The following ATXN10 variants were observed in gnomAD, a reference collection of about 807,000 sequenced individuals.
ATXN10 encodes the protein ataxin 10, also known as ataxin-10.
In ATXN10, 28 loss-of-function variants were observed where a neutral mutation model predicts 52.9. The ratio of observed to expected loss-of-function variants is 0.53; its 90% CI spans 0.39 to 0.73. ATXN10 has a LOEUF of 0.73. Among genes scored for constraint, ATXN10 ranks in the 30% least tolerant of loss-of-function variants. ATXN10 has a pLI of 0.00. For synonymous variants in ATXN10, 226 were observed against 221.5 expected, an observed-to-expected ratio of 1.02 and a Z score of -0.18; for missense variants, 565 against 577.0, an observed-to-expected ratio of 0.98 and a Z score of 0.21.
rs1264847490 is a variant in ATXN10, at chr22:45,766,917, A to C, written c.1173+26379A>C. On this transcript the variant is annotated intron_variant, in intron 9 of 11. Transcript: ENST00000252934. This position sits in a 1 kb window ranked among gnomAD's most constrained non-coding sequence, Gnocchi z 4.6. ...ACAGTGCTCAACTTTGCTCATAAAA[A>C]GAAAAATGCACATTAAACTACTCAC... 6.6e-6 allele frequency among the ~76,000 whole-genome samples: 1 copy of C among 152,240 alleles called. No homozygotes were observed. Among genetic ancestry groups the C allele is most frequent in the African/African-American group, 2.4e-5 (1 of 41,466 alleles).
chr22:45,690,407 A>G lies in ATXN10; in HGVS notation c.308+504A>G, dbSNP rs1185869094. On this transcript the variant is annotated intron_variant, in intron 2 of 11. Transcript: ENST00000252934. The surrounding 1 kb of genome is among the most constrained non-coding windows in gnomAD (Gnocchi z 4.5). ...ATTGGAGTCTCTCTGACTAGTGTAT[A>G]AAATAATGGAGTGTGTTTAACATTA... is the stretch of plus-strand genomic sequence containing the variant. Among the ~76,000 whole-genome samples, 1 of 152,162 alleles carries G rather than the reference A, an allele frequency of 6.6e-6. No individual in the cohort carries two copies. Among genetic ancestry groups the G allele is most frequent in the African/African-American group, 2.4e-5 (1 of 41,428 alleles).
Position 45,828,212 on chromosome 22 carries a change from A to G in ATXN10, c.1238-14779A>G, listed in dbSNP as rs555380776. Among the ~76,000 whole-genome samples, 2 of 152,044 alleles carry G rather than the reference A, an allele frequency of 1.3e-5. No homozygotes were observed. Among genetic ancestry groups the G allele is most frequent in the African/African-American group, 4.8e-5 (2 of 41,530 alleles). On this transcript the variant is annotated intron_variant, in intron 10 of 11. Coordinates refer to ENST00000252934, the MANE Select transcript of ATXN10 (RefSeq NM_013236.4). This position sits in a 1 kb window ranked among gnomAD's most constrained non-coding sequence, Gnocchi z 4.5. ...TTAAAAACTTTAAAAAAGAAAAAAA[A>G]AAGAAGAAAAAAATATTTAGAGACA...
intron 9 of ATXN10, among the ~76,000 whole-genome samples, chr22:45,776,130 G>A (rs779437343): frequency 6.6e-6 from 1 of 152,132 alleles, no homozygotes; most frequent in Non-Finnish European, 1.5e-5. Flanking sequence ...GTAAGCCTAC[G>A]GTTAACCAGA....
intron 10 of ATXN10, among the ~76,000 whole-genome samples, chr22:45,834,996 C>G (rs1004420874): frequency 1.3e-5 from 2 of 152,182 alleles, no homozygotes; most frequent in Admixed American, 6.5e-5. Context: ...ATGGGGCTGC[C>G]AGACTGTGAC....
At chr22:45,803,948 G>T (rs1928015038) in intron 9 of ATXN10, among the ~76,000 whole-genome samples, 1 of 152,118 alleles carries the variant, frequency 6.6e-6, no homozygotes, top group Non-Finnish European at 1.5e-5. Flanking sequence ...CCATGCCAGT[G>T]CTTCCTAAAC....
intron 3 of ATXN10, among the ~76,000 whole-genome samples, chr22:45,694,388 A>G (rs1253283580): frequency 6.6e-6 from 1 of 152,018 alleles, no homozygotes; most frequent in Non-Finnish European, 1.5e-5. Flanking sequence ...GCCGTGGCTC[A>G]TGCCTGTAAT....
At chr22:45,808,467 GA>G (rs1373401639) in intron 10 of ATXN10, among the ~76,000 whole-genome samples, 3 of 152,218 alleles carry the variant, frequency 2.0e-5, no homozygotes, top group African/African-American at 7.2e-5. Context: ...TAGGCCTACA[GA>G]TGCTCGCAGC....
At position 45,826,639 on chromosome 22, in the gene ATXN10, A is replaced by C. The variant is rs186542284; in HGVS notation, c.1238-16352A>C. Among the ~76,000 whole-genome samples, 18 of 152,354 alleles carry C rather than the reference A, an allele frequency of 1.2e-4. No individual in the cohort carries two copies. The highest frequency in any genetic ancestry group is 4.3e-4 in the African/African-American group (18 of 41,574). ...CAGAAGGCAGTGGGCCAAAATGTTC[A>C]AAGTGCAAAAAGAAAAAACTGTCAA... On this transcript the variant is annotated intron_variant, in intron 10 of 11. Transcript: ENST00000252934. This position sits in a 1 kb window ranked among gnomAD's most constrained non-coding sequence, Gnocchi z 5.0.
chr22:45,719,185 A>G (rs1924557915), intron 6 of ATXN10, among the ~76,000 whole-genome samples: 1 of 152,166 alleles, frequency 6.6e-6, no homozygotes, highest in Non-Finnish European at 1.5e-5. Context: ...TAACCTTATT[A>G]GAAATGTTGC....
chr22:45,829,042 T>C (rs759828307), intron 10 of ATXN10, among the ~76,000 whole-genome samples: 2 of 152,204 alleles, frequency 1.3e-5, no homozygotes, highest in Non-Finnish European at 2.9e-5. Flanking sequence ...ATGGAATTTA[T>C]TCCTGGAATG....
At chr22:45,731,123 C>A (rs1385349554) in intron 7 of ATXN10, among the ~76,000 whole-genome samples, 1 of 152,182 alleles carries the variant, frequency 6.6e-6, no homozygotes, top group African/African-American at 2.4e-5. Flanking sequence ...TTTCTTCTGT[C>A]ATAAAGTTAG....
chr22:45,830,362 T>C (rs1427111393), intron 10 of ATXN10, among the ~76,000 whole-genome samples: 1 of 152,142 alleles, frequency 6.6e-6, no homozygotes, highest in African/African-American at 2.4e-5. Context: ...TACATGAAAA[T>C]TTTAAAATAT....
At chr22:45,827,418 C>T (rs1928852763) in intron 10 of ATXN10, among the ~76,000 whole-genome samples, 1 of 152,084 alleles carries the variant, frequency 6.6e-6, no homozygotes, top group Middle Eastern at 3.2e-3. Flanking sequence ...ACAAGAGATT[C>T]AGTTTAGATC....
chr22:45,703,114 A>G (rs1923903818), intron 5 of ATXN10, among the ~76,000 whole-genome samples: 1 of 152,160 alleles, frequency 6.6e-6, no homozygotes, highest in Non-Finnish European at 1.5e-5. Context: ...TGGTGTATGA[A>G]AAAACAGTGT....
intron 9 of ATXN10, among the ~76,000 whole-genome samples, chr22:45,800,740 T>C (rs1927904835): frequency 6.6e-6 from 1 of 152,212 alleles, no homozygotes; most frequent in African/African-American, 2.4e-5. Flanking sequence ...TATTCATAAT[T>C]AGAAATAAAC....
chr22:45,813,657 G>A (rs6007165), intron 10 of ATXN10, among the ~76,000 whole-genome samples: 5,646 of 152,036 alleles, frequency 0.037, 369 homozygotes, highest in African/African-American at 0.13. Flanking sequence ...CTTAATTTCC[G>A]AGCATTGCAC....
At chr22:45,834,069 C>G (rs1331207159) in intron 10 of ATXN10, among the ~76,000 whole-genome samples, 6 of 152,222 alleles carry the variant, frequency 3.9e-5, no homozygotes, top group African/African-American at 1.4e-4. Context: ...CCTGGCACAT[C>G]CTGTGTCCTG....
intron 10 of ATXN10, among the ~76,000 whole-genome samples, chr22:45,831,671 T>G (rs1928996235): frequency 6.6e-6 from 1 of 152,252 alleles, no homozygotes; most frequent in Non-Finnish European, 1.5e-5. Context: ...TATAACTGGC[T>G]AGGGCCACCA....
chr22:45,706,276 G>C (rs530556026), intron 5 of ATXN10, among the ~76,000 whole-genome samples: 11 of 152,208 alleles, frequency 7.2e-5, no homozygotes, highest in African/African-American at 2.6e-4. Flanking sequence ...CCTGATTTTA[G>C]TAATTTGAGT....
Sources: allele counts gnomAD v4.1 joint callset (sites outside exome capture counted in the v4.1 genomes callset), GRCh38; gene constraint gnomAD v4.1.1; non-coding constraint Gnocchi (gnomAD v3.1); transcripts MANE v1.5; gene names NCBI Gene and HGNC (gene_info 2026-07-23, HGNC 2026-07-21).